The following NSUN6 variants were observed in gnomAD, a reference collection of about 807,000 sequenced individuals.
The protein encoded by NSUN6 is tRNA (cytosine(72)-C(5))-methyltransferase NSUN6.
NSUN6 carries 64 observed loss-of-function variants against 58.0 expected under a neutral mutation model. That is an observed-to-expected ratio of 1.10 (90% CI 0.90 to 1.36). The LOEUF is 1.36. NSUN6 is among the 40% of genes most tolerant of loss of function. NSUN6 has a pLI of 0.00. For synonymous variants in NSUN6, 231 were observed against 193.9 expected (o/e 1.19, Z -1.59); for missense variants, 701 against 550.1 (o/e 1.27, Z -2.74).
At chr10:18,609,726 A>G (rs2058165312) in intron 6 of NSUN6, 119 bp downstream of exon 6, 3 of 555,796 alleles carry the variant, frequency 5.4e-6, no homozygotes, top group Admixed American at 3.2e-5. Flanking sequence ...CCAAAGGTAG[A>G]TCAGTGTATG....
intron 6 of NSUN6, among the ~76,000 whole-genome samples, chr10:18,600,963 T>TACACAC (rs2057806138): frequency 2.8e-5 from 2 of 71,532 alleles, no homozygotes; most frequent in East Asian, 7.0e-4. Context: ...TATATATACA[T>TACACAC]ATATATATAT....
At chr10:18,556,465 AGAATG>A (rs538928214) in intron 8 of NSUN6, among the ~76,000 whole-genome samples, 20 of 150,654 alleles carry the variant, frequency 1.3e-4, no homozygotes, top group Non-Finnish European at 2.5e-4. Flanking sequence ...GATGAAATGG[AGAATG>A]GAATGGAATG....
chr10:18,614,356 A>AT, intron 5 of NSUN6, 104 bp downstream of exon 5: 9 of 695,100 alleles, frequency 1.3e-5, no homozygotes, highest in Non-Finnish European at 1.9e-5. Context: ...TTATACCAAA[A>AT]AAAAAAATTT....
intron 9 of NSUN6, among the ~76,000 whole-genome samples, chr10:18,550,805 A>G (rs960809249): frequency 6.6e-6 from 1 of 151,216 alleles, no homozygotes; most frequent in Admixed American, 6.6e-5. Flanking sequence ...GCTCACTGCA[A>G]CCTTCGCCTC....
chr10:18,576,967 G>A (rs904057927), intron 8 of NSUN6, among the ~76,000 whole-genome samples: 4 of 152,138 alleles, frequency 2.6e-5, no homozygotes, highest in South Asian at 2.1e-4. Flanking sequence ...AGACGCAATT[G>A]GAGTCTCATG....
At chr10:18,626,867 T>A (rs1372309615) in intron 3 of NSUN6, among the ~76,000 whole-genome samples, 1 of 152,226 alleles carries the variant, frequency 6.6e-6, no homozygotes, top group Non-Finnish European at 1.5e-5. Context: ...GAATTACATA[T>A]TCAATTGTGA....
intron 8 of NSUN6, among the ~76,000 whole-genome samples, chr10:18,555,354 T>C (rs1409921890): frequency 6.7e-6 from 1 of 150,026 alleles, no homozygotes; most frequent in Non-Finnish European, 1.5e-5. Context: ...TGGAATGGTA[T>C]GGAGAATGGA....
intron 3 of NSUN6, among the ~76,000 whole-genome samples, chr10:18,616,584 G>C (rs1037547461): frequency 6.6e-6 from 1 of 152,072 alleles, no homozygotes; most frequent in Non-Finnish European, 1.5e-5. Flanking sequence ...CATAGCATTA[G>C]GAGAAAAATA....
chr10:18,651,817 ATATT>A, upstream of NSUN6: 1 of 985,410 alleles, frequency 1.0e-6, no homozygotes, highest in Non-Finnish European at 1.2e-6. Context: ...ATGGTCAAAG[ATATT>A]TAGTTCCCGG....
chr10:18,551,705 G>C lies in NSUN6; in HGVS notation c.1071+118C>G, dbSNP rs2054613903. On this transcript the variant is annotated intron_variant, in intron 9 of 10. Transcript: ENST00000377304. ...TCCATGTATCTGTCAACAGACTCTT[G>C]GGTTGTTCCCACCTTTTGGCTATTG... 16 of 754,418 alleles carry C rather than the reference G, an allele frequency of 2.1e-5. No homozygotes were observed. The South Asian group carries it at 3.0e-4, about 14-fold the overall frequency. 46.7% of individuals were successfully genotyped at this position (754,418 alleles called of 1,614,324 possible).
chr10:18,593,295 G>A (rs891309233), intron 7 of NSUN6, among the ~76,000 whole-genome samples: 2 of 152,200 alleles, frequency 1.3e-5, no homozygotes, highest in African/African-American at 2.4e-5. Context: ...GGAAGACAGT[G>A]TGGCGATTCC....
chr10:18,624,342 G>C (rs1209393377), intron 3 of NSUN6, among the ~76,000 whole-genome samples: 3 of 151,982 alleles, frequency 2.0e-5, no homozygotes, highest in East Asian at 1.9e-4. Context: ...ATTGACAAGA[G>C]AGCCACTTTG....
At chr10:18,584,094 G>C (rs1477799102) in intron 8 of NSUN6, among the ~76,000 whole-genome samples, 1 of 152,060 alleles carries the variant, frequency 6.6e-6, no homozygotes, top group Non-Finnish European at 1.5e-5. Context: ...TCACCTCCAG[G>C]GGGTGGTCTT....
At chr10:18,576,517 C>T (rs916479443) in intron 8 of NSUN6, among the ~76,000 whole-genome samples, 13 of 152,168 alleles carry the variant, frequency 8.5e-5, no homozygotes, top group Non-Finnish European at 1.9e-4. Flanking sequence ...TAAAACTAAA[C>T]TAAAACTCTT....
At chr10:18,582,824 C>A (rs2056965115) in intron 8 of NSUN6, among the ~76,000 whole-genome samples, 1 of 152,208 alleles carries the variant, frequency 6.6e-6, no homozygotes, top group Admixed American at 6.5e-5. Context: ...AGTGACATCT[C>A]AGCTGCACAT....
In NSUN6 at chr10:18,551,829, G is replaced by A. The variant is rs776153994; in HGVS notation, c.1065C>T (p.Phe355=). 9.9e-6 allele frequency: 16 copies of A among 1,612,702 alleles called. No individual in the cohort carries two copies. Among genetic ancestry groups the A allele is most frequent in the South Asian group, 3.3e-5 (3 of 90,728 alleles). The change falls in exon 9 of 11, where the codon TTC becomes TTT. Residue 355 remains phenylalanine (F), a synonymous_variant. Transcript: ENST00000377304. ...ASYQPLQRKL[F]TAAVQLLKPE... is the part of the protein sequence containing the mutation. The stretch of plus-strand genomic sequence containing the variant: ...AAAACAGACCACCACATACTGCAGT[G>A]AAGAGTTTTCGCTGTAATGGCTGAT...
intron 3 of NSUN6, among the ~76,000 whole-genome samples, chr10:18,626,444 TCTC>T (rs2058808926): frequency 6.6e-6 from 1 of 152,000 alleles, no homozygotes; most frequent in Non-Finnish European, 1.5e-5. Flanking sequence ...ACTCCAGTAA[TCTC>T]CTCATTTCTC....
chr10:18,577,114 C>T (rs978960363), intron 8 of NSUN6, among the ~76,000 whole-genome samples: 1 of 152,182 alleles, frequency 6.6e-6, no homozygotes, highest in Non-Finnish European at 1.5e-5. Flanking sequence ...AACTACACTA[C>T]AGATGCTGTT....
At chr10:18,647,424 T>C (rs558946536) in intron 2 of NSUN6, among the ~76,000 whole-genome samples, 3 of 152,312 alleles carry the variant, frequency 2.0e-5, no homozygotes, top group African/African-American at 7.2e-5. Context: ...TTCTACATCC[T>C]ACATTGCTTT....
Sources: gnomAD v4.1 joint callset for allele counts (sites outside exome capture counted in the v4.1 genomes callset) on GRCh38, gnomAD v4.1.1 for gene constraint, MANE v1.5 for transcripts, NCBI Gene and HGNC (gene_info 2026-07-23, HGNC 2026-07-21) for gene names.